The following PAPPA variants were observed in gnomAD, a reference collection of about 807,000 sequenced individuals.
PAPPA encodes pappalysin 1, also known as pappalysin-1.
A neutral mutation model predicts 164.0 loss-of-function variants in PAPPA; 60 were observed. The ratio of observed to expected loss-of-function variants is 0.37; its 90% CI spans 0.30 to 0.45. The LOEUF is 0.45. Ranked by LOEUF, PAPPA falls within the 20% of genes least tolerant of loss-of-function variation. PAPPA has a pLI of 1.00. For missense variants in PAPPA, 1,782 were observed against 2,087.3 expected, an observed-to-expected ratio of 0.85 and a Z score of 2.85; for synonymous variants, 875 against 814.1, an observed-to-expected ratio of 1.07 and a Z score of -1.27.
chr9:116,309,076 CT>C (rs1314870351), intron 10 of PAPPA, among the ~76,000 whole-genome samples: 2 of 151,486 alleles, frequency 1.3e-5, no homozygotes, highest in South Asian at 2.1e-4. Flanking sequence ...TATTTTCTTT[CT>C]TTTTTTCTTT....
intron 5 of PAPPA, among the ~76,000 whole-genome samples, chr9:116,226,375 G>A (rs1458241990): frequency 6.6e-6 from 1 of 152,178 alleles, no homozygotes; most frequent in African/African-American, 2.4e-5. Context: ...CAGAGGCATA[G>A]TGAACGTCCC....
chr9:116,298,829 C>T (rs1277909860), intron 9 of PAPPA, among the ~76,000 whole-genome samples: 2 of 152,042 alleles, frequency 1.3e-5, no homozygotes, highest in African/African-American at 2.4e-5. Flanking sequence ...ATCAATGCTA[C>T]CTAGCTACTA....
At position 116,396,680 on chromosome 9, in the gene PAPPA, TCA is replaced by T. The variant is rs952531129; in HGVS notation, c.*67_*68del. The stretch of plus-strand genomic sequence containing the variant: ...GACCCACATCCCTTTGGTATTGATT[TCA>T]CAGTCAGCTGCTCAACGGAATGGCC... On this transcript the variant is annotated 3_prime_UTR_variant, in exon 22 of 22. Coordinates refer to ENST00000328252, the MANE Select transcript of PAPPA (RefSeq NM_002581.5). The T allele has an allele frequency of 1.5e-4, 116 of 752,130 alleles. 1 individual carries two copies. Among genetic ancestry groups the T allele is most frequent in the Non-Finnish European group, 2.2e-4 (90 of 402,548 alleles). The allele number at this position is 752,130 out of a possible 1,614,324, so 46.6% of individuals were successfully genotyped here. A position where few individuals can be genotyped will look rare whatever the true frequency, so the allele number is the denominator to read the frequency against.
Position 116,344,628 on chromosome 9 carries a change from T to A in PAPPA, c.3697T>A (p.Tyr1233Asn). ...ASLNCSSSDR[Y>N]HGAQCTVSCR... The stretch of plus-strand genomic sequence containing the variant: ...TCTCAATTGCTCCAGCAGCGACCGC[T>A]ACCACGGTGCCCAGTGTACTGTGAG... The change falls in exon 14 of 22, where the codon TAC becomes AAC. Residue 1233 changes from tyrosine to asparagine, a missense_variant. This residue lies in a region of PAPPA where 1,324 missense variants were observed against 1,656.9 expected (regional missense o/e 0.80). Transcript: ENST00000328252. The A allele has an allele frequency of 1.2e-6, 2 of 1,614,180 alleles. No individual in the cohort carries two copies. The highest frequency in any genetic ancestry group is 8.5e-7 in the Non-Finnish European group (1 of 1,180,014).
rs562301135 is a variant in PAPPA at position 116,277,153 on chromosome 9, T to C, written c.2953+5737T>C. ...TCTTTCTAACAACGTGAAATCATAATAGATGATCCACCTCTCACCTTAAAA... is the reference window on the plus strand; with the variant it reads ...TCTTTCTAACAACGTGAAATCATAACAGATGATCCACCTCTCACCTTAAAA... On this transcript the variant is annotated intron_variant, in intron 9 of 21. Coordinates refer to ENST00000328252, the MANE Select transcript of PAPPA (RefSeq NM_002581.5). 4.6e-5 allele frequency among the ~76,000 whole-genome samples: 7 copies of C among 152,242 alleles called. No individual in the cohort carries two copies. The South Asian group carries it at 8.3e-4, about 18-fold the overall frequency.
In PAPPA at chr9:116,207,277, T is replaced by G. The variant is rs146859280; in HGVS notation, c.1479-179T>G. Among the ~76,000 whole-genome samples the G allele has an allele frequency of 4.4e-3, 672 of 152,292 alleles. 3 individuals carry two copies. The highest frequency in any genetic ancestry group is 6.2e-3 in the Admixed American group (95 of 15,290). On this transcript the variant is annotated intron_variant, in intron 2 of 21. Coordinates refer to ENST00000328252, the MANE Select transcript of PAPPA (RefSeq NM_002581.5). ...TCTCTAAAACTCTCGAGAACTTAAT[T>G]TTATGATCTGTAAAATGGAATCATC...
intron 1 of PAPPA, among the ~76,000 whole-genome samples, chr9:116,161,677 A>G (rs1843666124): frequency 7.1e-6 from 1 of 140,016 alleles, no homozygotes; most frequent in Non-Finnish European, 1.6e-5. Context: ...TGTTTTGTCT[A>G]TTTTGTTTGT....
intron 7 of PAPPA, among the ~76,000 whole-genome samples, chr9:116,249,094 G>T (rs574107454): frequency 6.6e-6 from 1 of 152,222 alleles, no homozygotes; most frequent in Non-Finnish European, 1.5e-5. Flanking sequence ...ATAGTAGGCA[G>T]TGAAGATAAA....
chr9:116,380,607 T>G (rs1398074447), intron 20 of PAPPA, among the ~76,000 whole-genome samples: 1 of 152,150 alleles, frequency 6.6e-6, no homozygotes, highest in African/African-American at 2.4e-5. Context: ...TTGTTTGTTG[T>G]TTGTTTATAC....
rs548186817 is a variant in PAPPA at position 116,362,670 on chromosome 9, G to A, written c.4426G>A (p.Gly1476Ser). The A allele has an allele frequency of 1.9e-6, 3 of 1,614,134 alleles. No individual in the cohort carries two copies. The highest frequency in any genetic ancestry group is 2.2e-5 in the East Asian group (1 of 44,870). The change falls in exon 18 of 22, where the codon GGC (glycine) becomes AGC (serine). Residue 1476 changes from glycine to serine, a missense_variant. By Grantham distance (56) the Gly-to-Ser change is moderately conservative. Around this residue, in one of 2 missense-constraint regions of PAPPA, gnomAD observed 1,324 missense variants for 1,656.9 expected, o/e 0.80. Transcript: ENST00000328252. ...CTTCCATGTCTGCCAGGAGATGCAAGGCCAGTGCTCGGTTCCAAACGAGCT... is the reference window on the plus strand; with the variant it reads ...CTTCCATGTCTGCCAGGAGATGCAAAGCCAGTGCTCGGTTCCAAACGAGCT... ...GSFHVCQEMQ[G>S]QCSVPNELNS...
intron 9 of PAPPA, among the ~76,000 whole-genome samples, chr9:116,283,670 A>G (rs1389578142): frequency 6.6e-6 from 1 of 152,184 alleles, no homozygotes; most frequent in African/African-American, 2.4e-5. Context: ...CCCAGCCCAA[A>G]TTATCCGTAA....
intron 10 of PAPPA, among the ~76,000 whole-genome samples, chr9:116,310,564 G>A (rs1320685422): frequency 1.3e-5 from 2 of 152,114 alleles, no homozygotes; most frequent in Admixed American, 1.3e-4. Flanking sequence ...AACTTTCATG[G>A]AAACCTTGGA....
intron 1 of PAPPA, among the ~76,000 whole-genome samples, chr9:116,158,308 A>G (rs1231722350): frequency 6.6e-6 from 1 of 152,216 alleles, no homozygotes; most frequent in Non-Finnish European, 1.5e-5. Flanking sequence ...GTAACAGTGA[A>G]GGCTGGGTTT....
intron 2 of PAPPA, among the ~76,000 whole-genome samples, chr9:116,199,920 C>T (rs2118658264): frequency 6.6e-6 from 1 of 151,876 alleles, no homozygotes; most frequent in Admixed American, 6.5e-5. Context: ...GTCTTTTTAA[C>T]CACCGACTCT....
intron 9 of PAPPA, among the ~76,000 whole-genome samples, chr9:116,301,092 T>C (rs1376080496): frequency 6.6e-6 from 1 of 152,002 alleles, no homozygotes; most frequent in Admixed American, 6.6e-5. Context: ...CAGTGCCCTC[T>C]CCAGAGCTCC....
In PAPPA at chr9:116,344,526, G is replaced by A. The variant is rs144610891; in HGVS notation, c.3612-17G>A. The A allele has an allele frequency of 5.1e-4, 813 of 1,603,604 alleles. 4 individuals carry two copies. The African/African-American group carries it at 9.2e-3, about 18-fold the overall frequency. The stretch of plus-strand genomic sequence containing the variant: ...TGTGAGGAGACTCCTTCTTCCCCTC[G>A]TTTCTTTCCTCCCCAGCTGCGTGCA... On this transcript the variant is annotated splice_polypyrimidine_tract_variant and intron_variant, in intron 13 of 21. Transcript: ENST00000328252.
At chr9:116,383,585 A>G (rs1175088810) in intron 21 of PAPPA, among the ~76,000 whole-genome samples, 6 of 152,224 alleles carry the variant, frequency 3.9e-5, no homozygotes, top group African/African-American at 1.4e-4. Context: ...ATTTTGCAAC[A>G]TCCTTAGGAG....
intron 10 of PAPPA, among the ~76,000 whole-genome samples, chr9:116,327,192 G>A (rs1188830401): frequency 6.6e-6 from 1 of 152,206 alleles, no homozygotes; most frequent in African/African-American, 2.4e-5. Flanking sequence ...CAATGTGAAA[G>A]GAGGGACCAG....
intron 7 of PAPPA, among the ~76,000 whole-genome samples, chr9:116,256,279 A>G (rs1459689314): frequency 6.6e-6 from 1 of 152,060 alleles, no homozygotes; most frequent in Non-Finnish European, 1.5e-5. Flanking sequence ...TGCAATAACA[A>G]CAAAAAATAA....
Sources: allele counts gnomAD v4.1 joint callset (sites outside exome capture counted in the v4.1 genomes callset), GRCh38; gene constraint gnomAD v4.1.1; regional missense constraint gnomAD v4.1.1; transcripts MANE v1.5; gene names NCBI Gene and HGNC (gene_info 2026-07-23, HGNC 2026-07-21).